Variants in UBE2QL1 observed in about 807,000 individuals in gnomAD.
UBE2QL1 encodes ubiquitin-conjugating enzyme E2Q-like protein 1.
UBE2QL1 carries 5 observed loss-of-function variants against 12.6 expected under a neutral mutation model. The ratio of observed to expected loss-of-function variants is 0.40; its 90% CI spans 0.21 to 0.83. The LOEUF (loss-of-function observed/expected upper bound fraction) is 0.83, where lower values mean the gene tolerates loss of function less well. Ranked by LOEUF, UBE2QL1 falls within the 40% of genes least tolerant of loss-of-function variation. The pLI is 0.37. For missense variants in UBE2QL1, 99 were observed against 222.6 expected, an observed-to-expected ratio of 0.44 and a Z score of 3.53; for synonymous variants, 96 against 94.5, an observed-to-expected ratio of 1.02 and a Z score of -0.10.
chr5:6,480,995 G>GT (rs1734348132), intron 1 of UBE2QL1, among the ~76,000 whole-genome samples: 3 of 152,130 alleles, frequency 2.0e-5, no homozygotes, highest in Non-Finnish European at 4.4e-5. Flanking sequence ...TAAAGAACCA[G>GT]ATTTTTCTTA....
At chr5:6,464,895 A>G (rs934352283) in intron 1 of UBE2QL1, among the ~76,000 whole-genome samples, 1 of 152,218 alleles carries the variant, frequency 6.6e-6, no homozygotes, top group Non-Finnish European at 1.5e-5. Flanking sequence ...GCTACAATTC[A>G]ATGGATTACC....
At chr5:6,485,343 C>T (rs745350293) in intron 1 of UBE2QL1, among the ~76,000 whole-genome samples, 1 of 152,192 alleles carries the variant, frequency 6.6e-6, no homozygotes, top group African/African-American at 2.4e-5. Flanking sequence ...TGTAGAGTCT[C>T]ATTTGTCCTT....
chr5:6,488,966 T>C (rs922671896), intron 1 of UBE2QL1, among the ~76,000 whole-genome samples: 2 of 152,202 alleles, frequency 1.3e-5, no homozygotes, highest in Non-Finnish European at 2.9e-5. Context: ...CAAGCATAAT[T>C]ACATCGCATA....
chr5:6,490,339 T>C (rs272460), intron 1 of UBE2QL1, among the ~76,000 whole-genome samples: 149,225 of 152,350 alleles, frequency 0.98, 73,164 homozygotes, highest in Middle Eastern at 1. Flanking sequence ...TCCCAAGATA[T>C]TGTCACATGG....
At chr5:6,474,677 A>C (rs1734181745) in intron 1 of UBE2QL1, among the ~76,000 whole-genome samples, 1 of 152,146 alleles carries the variant, frequency 6.6e-6, no homozygotes, top group Non-Finnish European at 1.5e-5. Context: ...GGGCCTTCAG[A>C]CTCATAGTGA....
intron 1 of UBE2QL1, among the ~76,000 whole-genome samples, chr5:6,489,047 C>G (rs529821526): frequency 6.6e-6 from 1 of 152,264 alleles, no homozygotes; most frequent in South Asian, 2.1e-4. Context: ...ATGTTGCTAG[C>G]AGTCAATAAA....
rs975795221 is a variant in UBE2QL1, at chr5:6,449,358, G to A, written c.354+111G>A. Reference sequence around the variant, plus strand: ...CAGCGCCGGCCCCTCCGGCCATCTCGCTCCCTGCTCTGACTACACCAGCGC... The same window carrying A: ...CAGCGCCGGCCCCTCCGGCCATCTCACTCCCTGCTCTGACTACACCAGCGC... On this transcript the variant is annotated intron_variant, in intron 1 of 1. Transcript: ENST00000399816. 2.8e-6 allele frequency: 3 copies of A among 1,066,310 alleles called. No individual in the cohort carries two copies. The African/African-American group carries it at 5.0e-5, about 18-fold the overall frequency. The allele number at this position is 1,066,310 out of a possible 1,614,324, so 66.1% of individuals were successfully genotyped here. A position where few individuals can be genotyped will look rare whatever the true frequency, so the allele number is the denominator to read the frequency against.
intron 1 of UBE2QL1, among the ~76,000 whole-genome samples, chr5:6,463,679 G>A (rs1320308826): frequency 6.7e-6 from 1 of 150,214 alleles, no homozygotes; most frequent in Non-Finnish European, 1.5e-5. Context: ...CCAGGCTGGA[G>A]TGCAGTGGCG....
intron 1 of UBE2QL1, among the ~76,000 whole-genome samples, chr5:6,486,980 C>T (rs1490672604): frequency 6.6e-6 from 1 of 152,218 alleles, no homozygotes; most frequent in Non-Finnish European, 1.5e-5. Context: ...GCTCCACACC[C>T]TCTGTCCCAA....
chr5:6,482,222 C>T (rs868544528), intron 1 of UBE2QL1, among the ~76,000 whole-genome samples: 4 of 152,326 alleles, frequency 2.6e-5, no homozygotes, highest in South Asian at 4.1e-4. Flanking sequence ...GGAGCAGACC[C>T]TCCCCTGGGC....
intron 1 of UBE2QL1, among the ~76,000 whole-genome samples, chr5:6,474,375 C>G (rs1734168231): frequency 6.6e-6 from 1 of 152,204 alleles, no homozygotes; most frequent in African/African-American, 2.4e-5. Context: ...GAAAAATTCC[C>G]AGAGCCAGCA....
rs1368329089 is a variant in UBE2QL1 at position 6,491,387 on chromosome 5, A to T, written c.*38A>T. On this transcript the variant is annotated 3_prime_UTR_variant, in exon 2 of 2. Transcript: ENST00000399816. The stretch of plus-strand genomic sequence containing the variant: ...GCAGTAGACGCTCGAGCGCCTGTCC[A>T]CACACACACCAGTACCCTGACATCT... 1 of 1,515,426 alleles carries T rather than the reference A, an allele frequency of 6.6e-7. No homozygotes were observed. The highest frequency in any genetic ancestry group is 8.9e-7 in the Non-Finnish European group (1 of 1,127,822). The allele number at this position is 1,515,426 out of a possible 1,614,324, so 93.9% of individuals were successfully genotyped here.
In UBE2QL1 at chr5:6,489,649, C is replaced by T. The variant is rs745737619; in HGVS notation, c.355-1569C>T. Among the ~76,000 whole-genome samples the T allele has an allele frequency of 7.9e-5, 12 of 152,174 alleles. No individual in the cohort carries two copies. The South Asian group carries it at 1.7e-3, about 21-fold the overall frequency. ...CTCCGAATACAAGCATATGAAATGG[C>T]CTCTTCCACTCCACGTTTCAGGTGG... On this transcript the variant is annotated intron_variant, in intron 1 of 1. Coordinates refer to ENST00000399816, the MANE Select transcript of UBE2QL1 (RefSeq NM_001145161.3).
In UBE2QL1 at chr5:6,476,194, T is replaced by G. The variant is rs1579297586; in HGVS notation, c.355-15024T>G. 6.8e-6 allele frequency among the ~76,000 whole-genome samples: 1 copy of G among 148,060 alleles called. No individual in the cohort carries two copies. On this transcript the variant is annotated intron_variant, in intron 1 of 1. Coordinates refer to ENST00000399816, the MANE Select transcript of UBE2QL1 (RefSeq NM_001145161.3). The surrounding 1 kb of genome is among the most constrained non-coding windows in gnomAD (Gnocchi z 4.9). ...AGGCGGGGCCTGAGCAGGGAGGGGG[T>G]GGGGTCCCGATGTTTGTGCAGAGGA...
At chr5:6,474,336 T>C (rs1467408695) in intron 1 of UBE2QL1, among the ~76,000 whole-genome samples, 1 of 152,158 alleles carries the variant, frequency 6.6e-6, no homozygotes, top group Admixed American at 6.5e-5. Context: ...CGGAGAAGGT[T>C]GGGAAGTCCT....
At chr5:6,471,714 C>T (rs769949523) in intron 1 of UBE2QL1, among the ~76,000 whole-genome samples, 1 of 152,192 alleles carries the variant, frequency 6.6e-6, no homozygotes, top group Non-Finnish European at 1.5e-5. Flanking sequence ...GAGTGAACGC[C>T]AGGAATCGGA....
At chr5:6,467,790 G>A (rs181061631) in intron 1 of UBE2QL1, among the ~76,000 whole-genome samples, 7 of 151,642 alleles carry the variant, frequency 4.6e-5, no homozygotes, top group Non-Finnish European at 2.9e-5. Flanking sequence ...CCCAGACTGT[G>A]TTCCTTCCCA....
chr5:6,489,455 A>T (rs75655824), intron 1 of UBE2QL1, among the ~76,000 whole-genome samples: 29,411 of 151,620 alleles, frequency 0.19, 6,301 homozygotes, highest in African/African-American at 0.53. Flanking sequence ...AAAATTTTTT[A>T]AAAAAGGAAA....
At position 6,496,097 on chromosome 5, in the gene UBE2QL1, AG is replaced by A. The variant is rs1734660642; in HGVS notation, c.*4753del. ...AAGGCTAGACAAATAGAGTGCAATGAGGGGGTCAGGTGCGAGGCCGTCCTCC... is the reference window on the plus strand; with the variant it reads ...AAGGCTAGACAAATAGAGTGCAATGAGGGGTCAGGTGCGAGGCCGTCCTCC... On this transcript the variant is annotated 3_prime_UTR_variant, in exon 2 of 2. Coordinates refer to ENST00000399816, the MANE Select transcript of UBE2QL1 (RefSeq NM_001145161.3). Among the ~76,000 whole-genome samples, 3 of 152,324 alleles carry A rather than the reference AG, an allele frequency of 2.0e-5. No individual in the cohort carries two copies. The South Asian group carries it at 6.2e-4, about 32-fold the overall frequency.
Sources: gnomAD v4.1 joint callset for allele counts (sites outside exome capture counted in the v4.1 genomes callset) on GRCh38, gnomAD v4.1.1 for gene constraint, Gnocchi (gnomAD v3.1) non-coding constraint, MANE v1.5 for transcripts, NCBI Gene and HGNC (gene_info 2026-07-23, HGNC 2026-07-21) for gene names.